The following RBBP4 variants were observed in gnomAD, a reference collection of about 807,000 sequenced individuals.
The protein encoded by RBBP4 is RB binding protein 4, chromatin remodeling factor.
In RBBP4, 3 loss-of-function variants were observed where a neutral mutation model predicts 57.2. That is an observed-to-expected ratio of 0.05 (90% CI 0.02 to 0.14). The LOEUF is 0.14. Among genes scored for constraint, RBBP4 ranks in the 10% least tolerant of loss-of-function variants. The pLI is 1.00. For synonymous variants in RBBP4, 151 were observed against 171.5 expected (o/e 0.88, Z 0.93); for missense variants, 107 against 520.6 (o/e 0.21, Z 7.73).
intron 1 of RBBP4, 194 bp downstream of exon 1, chr1:32,651,516 G>A (rs911357263): frequency 7.5e-7 from 1 of 1,338,962 alleles, no homozygotes; most frequent in East Asian, 2.9e-5. Flanking sequence ...GTCGCAGCTG[G>A]CGAAGCCAGC....
chr1:32,665,538 C>T (rs140054985), intron 3 of RBBP4, among the ~76,000 whole-genome samples: 10 of 152,020 alleles, frequency 6.6e-5, no homozygotes, highest in African/African-American at 2.4e-4. Flanking sequence ...ATTAGCTGGG[C>T]GTCATGGCAC....
chr1:32,666,040 T>TA (rs1358587184), intron 3 of RBBP4, among the ~76,000 whole-genome samples: 1 of 152,250 alleles, frequency 6.6e-6, no homozygotes, highest in Non-Finnish European at 1.5e-5. Flanking sequence ...CATGTGTGAA[T>TA]AAAAAATGTT....
In RBBP4 at chr1:32,684,428, AACTC is replaced by A. The variant is rs1336560499; in HGVS notation, c.*4726_*4729del. On this transcript the variant is annotated 3_prime_UTR_variant, in exon 12 of 12. Transcript: ENST00000373493. ...CATTTCTAATGAGCCAAACAATAAA[AACTC>A]ACATTGTCCACTCTTACTTATAAAA... The A allele has an allele frequency of 1.9e-6, 3 of 1,612,814 alleles. No individual in the cohort carries two copies. Among genetic ancestry groups the A allele is most frequent in the Non-Finnish European group, 1.7e-6 (2 of 1,179,398 alleles).
At chr1:32,657,287 A>T in intron 2 of RBBP4, 140 bp from the exon 3 acceptor site, 1 of 794,348 alleles carries the variant, frequency 1.3e-6, no homozygotes. Context: ...AAAAAAAGAA[A>T]GAAAGAAAAG....
intron 3 of RBBP4, 77 bp downstream of exon 3, chr1:32,657,649 G>A: frequency 2.0e-6 from 3 of 1,466,586 alleles, no homozygotes; most frequent in South Asian, 1.3e-5. Context: ...AGTAAACTCT[G>A]ACTTTAGAAA....
rs1220481905 is a variant in RBBP4 at position 32,682,963 on chromosome 1, C to G, written c.*3258C>G. On this transcript the variant is annotated 3_prime_UTR_variant, in exon 12 of 12. Coordinates refer to ENST00000373493, the MANE Select transcript of RBBP4 (RefSeq NM_005610.3). ...GAGTAGGTGATTGGTCAGAAAGATGCCTTCAGTTTTGTCAGTGTCTAAAAG... is the reference window on the plus strand; with the variant it reads ...GAGTAGGTGATTGGTCAGAAAGATGGCTTCAGTTTTGTCAGTGTCTAAAAG... 6.6e-6 allele frequency: 1 copy of G among 151,888 alleles called. No homozygotes were observed. The highest frequency in any genetic ancestry group is 1.5e-5 in the Non-Finnish European group (1 of 67,994). The allele number at this position is 151,888 out of a possible 1,614,324, so 9.4% of individuals were successfully genotyped here.
chr1:32,666,620 G>A (rs1181249410), intron 3 of RBBP4, among the ~76,000 whole-genome samples: 1 of 152,188 alleles, frequency 6.6e-6, no homozygotes, highest in East Asian at 1.9e-4. Flanking sequence ...GCCTCCCAAA[G>A]TGCTGGGATT....
chr1:32,680,448 T>G lies in RBBP4; in HGVS notation c.*743T>G. Reference sequence around the variant, plus strand: ...TTATACCACAGGTAGACTGTCAAGTTGAGAAGAGTGAATCAATAACTTGTA... The same window carrying G: ...TTATACCACAGGTAGACTGTCAAGTGGAGAAGAGTGAATCAATAACTTGTA... On this transcript the variant is annotated 3_prime_UTR_variant, in exon 12 of 12. Coordinates refer to ENST00000373493, the MANE Select transcript of RBBP4 (RefSeq NM_005610.3). 1 of 1,519,400 alleles carries G rather than the reference T, an allele frequency of 6.6e-7. No homozygotes were observed. Among genetic ancestry groups the G allele is most frequent in the Non-Finnish European group, 8.8e-7 (1 of 1,132,884 alleles). 94.1% of individuals were successfully genotyped at this position (1,519,400 alleles called of 1,614,324 possible).
intron 11 of RBBP4, among the ~76,000 whole-genome samples, chr1:32,673,903 C>G (rs1212595776): frequency 1.3e-5 from 2 of 151,956 alleles, no homozygotes; most frequent in African/African-American, 4.8e-5. Context: ...TCGAGACCAT[C>G]CTGGCTAACA....
intron 3 of RBBP4, among the ~76,000 whole-genome samples, chr1:32,661,574 G>A (rs188380407): frequency 6.6e-5 from 10 of 151,868 alleles, no homozygotes; most frequent in Non-Finnish European, 7.4e-5. Context: ...GATTACAGGC[G>A]TGACCACCAT....
At chr1:32,672,929 A>C (rs1648936715) in intron 11 of RBBP4, 28 bp downstream of exon 11, 2 of 1,507,854 alleles carry the variant, frequency 1.3e-6, no homozygotes, top group Middle Eastern at 4.6e-4. Flanking sequence ...TATTTTGGGG[A>C]GGTGAAATAA....
Position 32,655,785 on chromosome 1 carries a change from C to T in RBBP4, c.165-1642C>T, listed in dbSNP as rs1648114617. ...GGCTTTAGTTTGACATTTTCTCTTTCTCCATTTTATAGGCAGTCAATTTAT... is the reference window on the plus strand; with the variant it reads ...GGCTTTAGTTTGACATTTTCTCTTTTTCCATTTTATAGGCAGTCAATTTAT... On this transcript the variant is annotated intron_variant, in intron 2 of 11. Coordinates refer to ENST00000373493, the MANE Select transcript of RBBP4 (RefSeq NM_005610.3). Among the ~76,000 whole-genome samples the T allele has an allele frequency of 2.6e-5, 4 of 152,294 alleles. No individual in the cohort carries two copies. The South Asian group carries it at 8.3e-4, about 32-fold the overall frequency.
chr1:32,671,762 G>A (rs533607035), intron 8 of RBBP4, among the ~76,000 whole-genome samples: 20 of 151,554 alleles, frequency 1.3e-4, no homozygotes, highest in African/African-American at 4.1e-4. Context: ...CCGTGGTGGC[G>A]GACACCTGTA....
intron 3 of RBBP4, among the ~76,000 whole-genome samples, chr1:32,664,005 CA>C (rs1648538055): frequency 6.6e-6 from 1 of 151,080 alleles, no homozygotes; most frequent in Admixed American, 6.6e-5. Context: ...CGGCCCACTG[CA>C]AGCTCCGCCT....
chr1:32,651,501 T>C (rs985596053), intron 1 of RBBP4, 179 bp downstream of exon 1: 2 of 1,347,208 alleles, frequency 1.5e-6, no homozygotes, highest in Non-Finnish European at 1.9e-6. Context: ...CTGGGACCGA[T>C]TTCGGTCGCA....
chr1:32,656,522 T>A (rs1648148127), intron 2 of RBBP4, among the ~76,000 whole-genome samples: 2 of 152,254 alleles, frequency 1.3e-5, no homozygotes, highest in South Asian at 4.2e-4. Context: ...CGGCTAATTT[T>A]TGTATTTTTA....
chr1:32,669,462 T>A lies in RBBP4; in HGVS notation c.889-24T>A, dbSNP rs1648780539. 6.3e-7 allele frequency: 1 copy of A among 1,575,024 alleles called. No individual in the cohort carries two copies. Among genetic ancestry groups the A allele is most frequent in the African/African-American group, 1.4e-5 (1 of 72,434 alleles). On this transcript the variant is annotated intron_variant, in intron 7 of 11. Coordinates refer to ENST00000373493, the MANE Select transcript of RBBP4 (RefSeq NM_005610.3). The surrounding 1 kb of genome is among the most constrained non-coding windows in gnomAD (Gnocchi z 4.9). ...TTTTTTTTCTTAAAAAATTGATTAC[T>A]CTTGCTTTTCTTTTTGTACATAGAC...
At chr1:32,661,491 T>G (rs566947707) in intron 3 of RBBP4, among the ~76,000 whole-genome samples, 1 of 151,920 alleles carries the variant, frequency 6.6e-6, no homozygotes, top group Admixed American at 6.6e-5. Context: ...ATGGGGTTTC[T>G]CCATGTTGGT....
At chr1:32,675,986 C>T (rs1649087735) in intron 11 of RBBP4, among the ~76,000 whole-genome samples, 1 of 151,884 alleles carries the variant, frequency 6.6e-6, no homozygotes, top group Non-Finnish European at 1.5e-5. Flanking sequence ...ACTTGGGAGG[C>T]CGAGGCAGGA....
Sources: gnomAD v4.1 joint callset for allele counts (sites outside exome capture counted in the v4.1 genomes callset) on GRCh38, gnomAD v4.1.1 for gene constraint, Gnocchi (gnomAD v3.1) non-coding constraint, MANE v1.5 for transcripts, NCBI Gene and HGNC (gene_info 2026-07-23, HGNC 2026-07-21) for gene names.